Variants in MYO5B observed in about 807,000 individuals in gnomAD.
MYO5B encodes the protein unconventional myosin-Vb.
A neutral mutation model predicts 229.3 loss-of-function variants in MYO5B; 143 were observed. The observed-to-expected ratio is 0.62, with a 90% confidence interval of 0.54 to 0.72. MYO5B has a LOEUF of 0.72. Ranked by LOEUF, MYO5B falls within the 30% of genes least tolerant of loss-of-function variation. MYO5B has a pLI of 0.00. For synonymous variants in MYO5B, 918 were observed against 885.2 expected, an observed-to-expected ratio of 1.04 and a Z score of -0.66; for missense variants, 2,321 against 2,331.0, an observed-to-expected ratio of 1.00 and a Z score of 0.09.
intron 1 of MYO5B, among the ~76,000 whole-genome samples, chr18:50,066,902 T>TCC (rs965506441): frequency 2.0e-5 from 3 of 151,936 alleles, no homozygotes; most frequent in African/African-American, 7.3e-5. Context: ...TAACCATAGA[T>TCC]CCCCTAGGAT....
intron 22 of MYO5B, among the ~76,000 whole-genome samples, chr18:49,887,701 G>C (rs931282916): frequency 2.6e-5 from 4 of 152,018 alleles, no homozygotes; most frequent in Non-Finnish European, 5.9e-5. Flanking sequence ...TGTTTTTTGA[G>C]ATGGAGTCTC....
At chr18:50,160,899 A>G (rs776378220) in intron 1 of MYO5B, among the ~76,000 whole-genome samples, 1 of 152,190 alleles carries the variant, frequency 6.6e-6, no homozygotes, top group Non-Finnish European at 1.5e-5. Flanking sequence ...CCAGCAGCCC[A>G]TTCTGAGCTC....
chr18:50,055,225 G>GGGCCC, intron 2 of MYO5B, 43 bp downstream of exon 2: 12 of 700,366 alleles, frequency 1.7e-5, no homozygotes, highest in Non-Finnish European at 2.7e-5. Flanking sequence ...TGAGCTCCCT[G>GGGCCC]CCCCACCTCA....
At chr18:49,842,926 T>C (rs1438835515) in intron 34 of MYO5B, among the ~76,000 whole-genome samples, 1 of 152,118 alleles carries the variant, frequency 6.6e-6, no homozygotes, top group East Asian at 1.9e-4. Flanking sequence ...CAGCAGGATG[T>C]CTCCCTAGCA....
In MYO5B at chr18:50,123,483, G is replaced by A. The variant is rs8099413; in HGVS notation, c.28-68105C>T. Among the ~76,000 whole-genome samples the A allele has an allele frequency of 7.1e-3, 1,086 of 152,266 alleles. 18 individuals carry two copies. Among genetic ancestry groups the A allele is most frequent in the African/African-American group, 0.024 (989 of 41,530 alleles). ...GGTGGCTCACACCTGTAACCCCAGC[G>A]ATGGAGGATAAGGTGGGAAGATTGC... On this transcript the variant is annotated intron_variant, in intron 1 of 39. Coordinates refer to ENST00000285039, the MANE Select transcript of MYO5B (RefSeq NM_001080467.3).
chr18:49,992,035 G>A (rs1368851627), intron 6 of MYO5B, among the ~76,000 whole-genome samples: 2 of 152,158 alleles, frequency 1.3e-5, no homozygotes, highest in Non-Finnish European at 2.9e-5. Flanking sequence ...CTAGGACAGA[G>A]CTAACACATA....
intron 4 of MYO5B, among the ~76,000 whole-genome samples, chr18:50,015,804 G>T (rs2026209768): frequency 6.6e-6 from 1 of 152,158 alleles, no homozygotes; most frequent in African/African-American, 2.4e-5. Flanking sequence ...AGCTCCTGTT[G>T]TAAGCAGCAC....
At chr18:49,935,716 G>A (rs1326697772) in intron 16 of MYO5B, among the ~76,000 whole-genome samples, 5 of 152,196 alleles carry the variant, frequency 3.3e-5, no homozygotes, top group African/African-American at 7.2e-5. Context: ...GGACAGAACC[G>A]GAACAAAGTT....
intron 1 of MYO5B, among the ~76,000 whole-genome samples, chr18:50,165,815 AAAG>A (rs938506519): frequency 2.6e-5 from 4 of 152,230 alleles, no homozygotes; most frequent in African/African-American, 7.2e-5. Flanking sequence ...GGAAGGAAGA[AAAG>A]AAGGAGAGAA....
At chr18:49,837,097 T>C (rs145052730) in intron 37 of MYO5B, among the ~76,000 whole-genome samples, 5 of 152,282 alleles carry the variant, frequency 3.3e-5, no homozygotes, top group African/African-American at 1.2e-4. Context: ...CAAGCAAAGA[T>C]GAAATACCTG....
intron 2 of MYO5B, among the ~76,000 whole-genome samples, chr18:50,049,688 C>T (rs2030339829): frequency 6.6e-6 from 1 of 152,224 alleles, no homozygotes; most frequent in Non-Finnish European, 1.5e-5. Context: ...AGCAAATCCT[C>T]CTCATGACAG....
chr18:49,879,246 C>A lies in MYO5B; in HGVS notation c.3131-156G>T, dbSNP rs1347160690. The stretch of plus-strand genomic sequence containing the variant: ...ATTACGCTCCTCACCTACTGCAGAG[C>A]AAAGGTGAGTCTCATTACTCTGGCT... On this transcript the variant is annotated intron_variant, in intron 23 of 39. Coordinates refer to ENST00000285039, the MANE Select transcript of MYO5B (RefSeq NM_001080467.3). 9 of 823,604 alleles carry A rather than the reference C, an allele frequency of 1.1e-5. No homozygotes were observed. In the East Asian group the frequency reaches 1.8e-4, roughly 17 times the overall value. 51.0% of individuals were successfully genotyped at this position (823,604 alleles called of 1,614,324 possible).
At chr18:50,085,584 T>C (rs1322341057) in intron 1 of MYO5B, among the ~76,000 whole-genome samples, 2 of 152,184 alleles carry the variant, frequency 1.3e-5, no homozygotes, top group Non-Finnish European at 2.9e-5. Context: ...CAAAGGATTA[T>C]AAATCATGCT....
chr18:50,083,954 C>G (rs2031273877), intron 1 of MYO5B, among the ~76,000 whole-genome samples: 1 of 152,188 alleles, frequency 6.6e-6, no homozygotes, highest in Non-Finnish European at 1.5e-5. Context: ...TAGTAAGACC[C>G]TAGCGTCAGA....
At chr18:50,073,827 G>A (rs1306667228) in intron 1 of MYO5B, among the ~76,000 whole-genome samples, 3 of 152,108 alleles carry the variant, frequency 2.0e-5, no homozygotes, top group Non-Finnish European at 4.4e-5. Flanking sequence ...GCCTGGAGAT[G>A]TCATCATCCT....
In MYO5B at chr18:50,195,002, G is replaced by A; in HGVS notation, c.-209C>T. 1.6e-6 allele frequency: 1 copy of A among 606,818 alleles called. No homozygotes were observed. Among genetic ancestry groups the A allele is most frequent in the Admixed American group, 4.6e-5 (1 of 21,558 alleles). The allele number at this position is 606,818 out of a possible 1,614,324, so 37.6% of individuals were successfully genotyped here. On this transcript the variant is annotated 5_prime_UTR_variant, in exon 1 of 40. Coordinates refer to ENST00000285039, the MANE Select transcript of MYO5B (RefSeq NM_001080467.3). Reference sequence around the variant, plus strand: ...CCTTTACTCCCGCCGCGGCGGCGCAGCTACGGCCGGACAGGAGTTGCGAGC... The same window carrying A: ...CCTTTACTCCCGCCGCGGCGGCGCAACTACGGCCGGACAGGAGTTGCGAGC...
intron 14 of MYO5B, among the ~76,000 whole-genome samples, chr18:49,944,758 C>T (rs998457050): frequency 1.3e-5 from 2 of 152,136 alleles, no homozygotes; most frequent in African/African-American, 2.4e-5. Flanking sequence ...GTTCAAGCTT[C>T]TCTGTTGCTT....
At chr18:50,013,254 T>C (rs2026181594) in intron 4 of MYO5B, among the ~76,000 whole-genome samples, 1 of 152,102 alleles carries the variant, frequency 6.6e-6, no homozygotes, top group Admixed American at 6.5e-5. Context: ...AAACTAAAAT[T>C]GAAGAATACT....
chr18:49,864,512 T>C, intron 27 of MYO5B, 132 bp from the exon 28 acceptor site: 3 of 1,292,282 alleles, frequency 2.3e-6, no homozygotes, highest in Non-Finnish European at 3.2e-6. Context: ...ACATGGAAAG[T>C]TCTGACTGCC....
Sources: gnomAD v4.1 joint callset for allele counts (sites outside exome capture counted in the v4.1 genomes callset) on GRCh38, gnomAD v4.1.1 for gene constraint, MANE v1.5 for transcripts, NCBI Gene and HGNC (gene_info 2026-07-23, HGNC 2026-07-21) for gene names.